MYO16: variants seen among roughly 807,000 people sequenced by gnomAD.
MYO16 encodes myosin XVI.
In MYO16, 94 loss-of-function variants were observed where a neutral mutation model predicts 205.3. The observed-to-expected ratio is 0.46, with a 90% confidence interval of 0.39 to 0.54. The LOEUF is 0.54. Among genes scored for constraint, MYO16 ranks in the 20% least tolerant of loss-of-function variants. The pLI, the probability that MYO16 is intolerant of heterozygous loss-of-function variation, is 0.00. For missense variants in MYO16, 2,315 were observed against 2,387.5 expected, an observed-to-expected ratio of 0.97 and a Z score of 0.63; for synonymous variants, 988 against 954.0, an observed-to-expected ratio of 1.04 and a Z score of -0.66.
At chr13:108,710,195 G>C (rs1023471827) in intron 2 of MYO16, among the ~76,000 whole-genome samples, 1 of 152,088 alleles carries the variant, frequency 6.6e-6, no homozygotes, top group Non-Finnish European at 1.5e-5. Context: ...TTTGTGAGTT[G>C]GTTGTGAAAC....
chr13:109,010,251 A>G (rs1472167551), intron 22 of MYO16, among the ~76,000 whole-genome samples: 2 of 152,184 alleles, frequency 1.3e-5, no homozygotes, highest in African/African-American at 4.8e-5. Context: ...ATTGGAGGTC[A>G]TTAATCCCTT....
chr13:108,952,968 G>A lies in MYO16; in HGVS notation c.1926-4720G>A, dbSNP rs563369433. ...TGAAACTCTTGCTTTGATTTATCTA[G>A]GATGTTTCTCAACCACTGTGTTGAG... is the stretch of plus-strand genomic sequence containing the variant. On this transcript the variant is annotated intron_variant, in intron 16 of 34. Coordinates refer to ENST00000457511, the MANE Select transcript of MYO16 (RefSeq NM_001198950.3). Among the ~76,000 whole-genome samples the A allele has an allele frequency of 2.2e-3, 337 of 152,222 alleles. 1 individual carries two copies. The highest frequency in any genetic ancestry group is 3.4e-3 in the Non-Finnish European group (230 of 68,024).
intron 6 of MYO16, among the ~76,000 whole-genome samples, chr13:108,805,470 T>C (rs1423724849): frequency 6.6e-6 from 1 of 152,160 alleles, no homozygotes; most frequent in Non-Finnish European, 1.5e-5. Flanking sequence ...TTTGTCTTTG[T>C]AATAAAAACA....
At chr13:108,626,543 C>A (rs1375633632), upstream of MYO16, among the ~76,000 whole-genome samples, 2 of 152,134 alleles carry the variant, frequency 1.3e-5, no homozygotes, top group Non-Finnish European at 2.9e-5. Context: ...CATGGTGGCT[C>A]ATGCCTGTAA....
At position 108,871,261 on chromosome 13, in the gene MYO16, T is replaced by A. The variant is rs143678119; in HGVS notation, c.1425+5019T>A. 2.8e-3 allele frequency among the ~76,000 whole-genome samples: 423 copies of A among 152,166 alleles called. 2 individuals carry two copies. The highest frequency in any genetic ancestry group is 9.1e-3 in the African/African-American group (377 of 41,518). ...ATCATGCCACTTATTTTCTTGAACA[T>A]GTCATTTTTAATCCTGTGTCTTATG... On this transcript the variant is annotated intron_variant, in intron 12 of 34. Coordinates refer to ENST00000457511, the MANE Select transcript of MYO16 (RefSeq NM_001198950.3).
At chr13:108,764,766 T>C (rs1157357008) in intron 4 of MYO16, among the ~76,000 whole-genome samples, 1 of 152,178 alleles carries the variant, frequency 6.6e-6, no homozygotes, top group Non-Finnish European at 1.5e-5. Context: ...TGACCTTTAA[T>C]TATATTCTGG....
At chr13:109,191,124 C>A (rs571746633) in intron 34 of MYO16, among the ~76,000 whole-genome samples, 2 of 152,058 alleles carry the variant, frequency 1.3e-5, no homozygotes, top group East Asian at 3.9e-4. Flanking sequence ...GAGGCTGAGG[C>A]AGGAGAATCA....
At chr13:109,116,457 T>C (rs1875694432) in intron 28 of MYO16, among the ~76,000 whole-genome samples, 1 of 152,080 alleles carries the variant, frequency 6.6e-6, no homozygotes, top group Admixed American at 6.5e-5. Context: ...TCCCAGCCAT[T>C]ATCCCAATCC....
rs572556080 is a variant in MYO16, at chr13:109,038,509, T to C, written c.2797-8407T>C. On this transcript the variant is annotated intron_variant, in intron 23 of 34. Transcript: ENST00000457511. ...ACTATTGGCTCTCTGGCTGTCAGGCTTTCGAACTACCTTGTCGACTTTCCT... is the reference window on the plus strand; with the variant it reads ...ACTATTGGCTCTCTGGCTGTCAGGCCTTCGAACTACCTTGTCGACTTTCCT... Among the ~76,000 whole-genome samples the C allele has an allele frequency of 4.0e-4, 61 of 152,238 alleles. 1 individual carries two copies. Among genetic ancestry groups the C allele is most frequent in the Admixed American group, 3.7e-3 (57 of 15,286 alleles).
chr13:109,174,648 C>G (rs1879078586), intron 33 of MYO16, among the ~76,000 whole-genome samples: 1 of 152,004 alleles, frequency 6.6e-6, no homozygotes, highest in Non-Finnish European at 1.5e-5. Flanking sequence ...GTTTGGGTCC[C>G]TACAAAATGA....
At chr13:108,830,433 A>T (rs2139039163) in intron 9 of MYO16, among the ~76,000 whole-genome samples, 1 of 151,698 alleles carries the variant, frequency 6.6e-6, no homozygotes, top group Non-Finnish European at 1.5e-5. Context: ...TGCAGCCATA[A>T]AAAAGGATGA....
At position 108,691,274 on chromosome 13, in the gene MYO16, G is replaced by A. The variant is rs563541962; in HGVS notation, c.293-21387G>A. On this transcript the variant is annotated intron_variant, in intron 2 of 34. Coordinates refer to ENST00000457511, the MANE Select transcript of MYO16 (RefSeq NM_001198950.3). Reference sequence around the variant, plus strand: ...TTACTTCACTTATTCTTTACACAAAGGATTTATTTGTGAGCAATCTGCCAG... The same window carrying A: ...TTACTTCACTTATTCTTTACACAAAAGATTTATTTGTGAGCAATCTGCCAG... Among the ~76,000 whole-genome samples the A allele has an allele frequency of 2.6e-5, 4 of 151,854 alleles. No homozygotes were observed. The South Asian group carries it at 6.2e-4, about 24-fold the overall frequency.
At chr13:108,843,047 C>T (rs761198497) in intron 9 of MYO16, among the ~76,000 whole-genome samples, 37 of 151,898 alleles carry the variant, frequency 2.4e-4, no homozygotes, top group Non-Finnish European at 4.9e-4. Flanking sequence ...TCTTAAAAAC[C>T]TGAAAATCAC....
intron 7 of MYO16, among the ~76,000 whole-genome samples, chr13:108,819,429 A>G (rs1875838353): frequency 1.3e-5 from 2 of 152,190 alleles, no homozygotes; most frequent in African/African-American, 2.4e-5. Flanking sequence ...GCTTAGGGAT[A>G]CTTTCATATG....
chr13:108,784,332 G>C (rs1404115524), intron 4 of MYO16, among the ~76,000 whole-genome samples: 1 of 152,066 alleles, frequency 6.6e-6, no homozygotes, highest in Non-Finnish European at 1.5e-5. Flanking sequence ...CCTTAGATAA[G>C]TAAAACATCT....
chr13:108,796,815 TA>T (rs373224276), intron 6 of MYO16, among the ~76,000 whole-genome samples: 1 of 133,414 alleles, frequency 7.5e-6, no homozygotes, highest in Non-Finnish European at 1.6e-5. Flanking sequence ...ATACCTAATG[TA>T]AAATGACGAG....
chr13:109,039,649 T>C (rs1886820575), intron 23 of MYO16, among the ~76,000 whole-genome samples: 1 of 152,244 alleles, frequency 6.6e-6, no homozygotes, highest in East Asian at 1.9e-4. Context: ...ATGCTGAACC[T>C]AATGAAAATG....
At chr13:108,607,548 T>C (rs1879006071) in intron 1 of MYO16, among the ~76,000 whole-genome samples, 1 of 152,172 alleles carries the variant, frequency 6.6e-6, no homozygotes, top group African/African-American at 2.4e-5. Context: ...ATTGTACATT[T>C]CCTGAGGCCT....
intron 1 of MYO16, among the ~76,000 whole-genome samples, chr13:108,603,312 C>T (rs1878833996): frequency 6.6e-6 from 1 of 152,046 alleles, no homozygotes; most frequent in Non-Finnish European, 1.5e-5. Flanking sequence ...ACTACTTTTC[C>T]TAATAGAGAT....
Sources: allele counts gnomAD v4.1 joint callset (sites outside exome capture counted in the v4.1 genomes callset), GRCh38; gene constraint gnomAD v4.1.1; transcripts MANE v1.5; gene names NCBI Gene and HGNC (gene_info 2026-07-23, HGNC 2026-07-21).